FAM219A: variants seen among roughly 807,000 people sequenced by gnomAD.
FAM219A encodes protein FAM219A.
Under a neutral mutation model 23.4 loss-of-function variants are expected in FAM219A, and 7 were observed. The observed-to-expected ratio is 0.30, with a 90% CI of 0.17 to 0.56. The LOEUF is 0.56. Ranked by LOEUF, FAM219A falls within the 20% of genes least tolerant of loss-of-function variation. The pLI, the probability that FAM219A is intolerant of heterozygous loss-of-function variation, is 0.92. For missense variants in FAM219A, 166 were observed against 246.9 expected, an observed-to-expected ratio of 0.67 and a Z score of 2.20; for synonymous variants, 93 against 99.0, an observed-to-expected ratio of 0.94 and a Z score of 0.36.
chr9:34,452,398 G>T (rs1012686664), intron 1 of FAM219A, among the ~76,000 whole-genome samples: 1 of 152,116 alleles, frequency 6.6e-6, no homozygotes, highest in African/African-American at 2.4e-5. Context: ...AGGTGATGAT[G>T]GTCTCTTCCT....
chr9:34,436,647 A>G (rs1822933330), intron 1 of FAM219A, among the ~76,000 whole-genome samples: 2 of 152,232 alleles, frequency 1.3e-5, no homozygotes, highest in African/African-American at 4.8e-5. Context: ...AAATGTACAC[A>G]TTATATTTTG....
At chr9:34,413,477 C>A (rs1821897735) in intron 1 of FAM219A, among the ~76,000 whole-genome samples, 2 of 152,130 alleles carry the variant, frequency 1.3e-5, no homozygotes, top group African/African-American at 2.4e-5. Context: ...ACATGATAAT[C>A]CAGGGCAGAG....
chr9:34,406,901 C>T (rs1821657210), intron 1 of FAM219A, among the ~76,000 whole-genome samples: 1 of 148,882 alleles, frequency 6.7e-6, no homozygotes, highest in African/African-American at 2.5e-5. Context: ...CTCCCGGTTT[C>T]AAGCAATTCT....
intron 1 of FAM219A, among the ~76,000 whole-genome samples, chr9:34,418,598 C>G (rs998563902): frequency 6.6e-6 from 1 of 152,184 alleles, no homozygotes; most frequent in African/African-American, 2.4e-5. Context: ...GATGCTCCTG[C>G]CTTACATTTG....
chr9:34,434,442 T>A (rs915976767), intron 1 of FAM219A, among the ~76,000 whole-genome samples: 1 of 152,186 alleles, frequency 6.6e-6, no homozygotes, highest in African/African-American at 2.4e-5. Flanking sequence ...TAATCTCTGA[T>A]AATCCATCTA....
At chr9:34,430,292 G>A (rs1822641956) in intron 1 of FAM219A, among the ~76,000 whole-genome samples, 1 of 152,138 alleles carries the variant, frequency 6.6e-6, no homozygotes, top group South Asian at 2.1e-4. Context: ...ACTCTGGGAG[G>A]CTGAGTTGGG....
intron 1 of FAM219A, among the ~76,000 whole-genome samples, chr9:34,419,906 T>C (rs1048776189): frequency 6.6e-6 from 1 of 152,098 alleles, no homozygotes; most frequent in Non-Finnish European, 1.5e-5. Context: ...TAGCTTTTCC[T>C]CTCTGTGGCA....
At chr9:34,445,278 A>G (rs1823327922) in intron 1 of FAM219A, among the ~76,000 whole-genome samples, 1 of 152,222 alleles carries the variant, frequency 6.6e-6, no homozygotes, top group African/African-American at 2.4e-5. Context: ...CTAGAGGTAG[A>G]AGCTATCTTG....
intron 4 of FAM219A, 52 bp from the exon 5 acceptor site, chr9:34,401,772 ACT>A (rs1380192724): frequency 1.3e-6 from 2 of 1,573,554 alleles, no homozygotes; most frequent in South Asian, 1.2e-5. Context: ...TACATAGAAA[ACT>A]CTCTGCAATC....
At chr9:34,401,251 G>T in intron 5 of FAM219A, 129 bp from the exon 6 acceptor site, 1 of 1,189,688 alleles carries the variant, frequency 8.4e-7, no homozygotes, top group Middle Eastern at 2.3e-4. Context: ...CCCTGTCCCG[G>T]GTCTGTCTGT....
At chr9:34,433,178 TG>T (rs1175006834) in intron 1 of FAM219A, among the ~76,000 whole-genome samples, 24 of 152,358 alleles carry the variant, frequency 1.6e-4, no homozygotes, top group African/African-American at 5.8e-4. Context: ...ATACTTATTT[TG>T]GGAGGTTATA....
At chr9:34,402,247 C>T (rs1225426506) in intron 4 of FAM219A, 140 bp downstream of exon 4, 1 of 1,611,302 alleles carries the variant, frequency 6.2e-7, no homozygotes, top group Non-Finnish European at 8.5e-7. Context: ...AATTCCCATC[C>T]CTGGAGAATT....
At chr9:34,450,300 C>T (rs1242339824) in intron 1 of FAM219A, among the ~76,000 whole-genome samples, 5 of 137,146 alleles carry the variant, frequency 3.6e-5, no homozygotes, top group Admixed American at 3.0e-4. Flanking sequence ...GTGACAGAGA[C>T]CCTGTCTCAA....
intron 2 of FAM219A, among the ~76,000 whole-genome samples, chr9:34,405,548 A>T (rs995090071): frequency 6.6e-6 from 1 of 152,194 alleles, no homozygotes; most frequent in Non-Finnish European, 1.5e-5. Context: ...GCTTCCTCTC[A>T]GCCTGATCCA....
intron 1 of FAM219A, among the ~76,000 whole-genome samples, chr9:34,420,836 C>T (rs537632110): frequency 4.0e-5 from 6 of 151,894 alleles, no homozygotes; most frequent in South Asian, 2.1e-4. Flanking sequence ...AAAACTTAGC[C>T]GGGTGTGGTA....
chr9:34,410,290 G>C (rs1821776583), intron 1 of FAM219A, among the ~76,000 whole-genome samples: 1 of 152,184 alleles, frequency 6.6e-6, no homozygotes, highest in Non-Finnish European at 1.5e-5. Context: ...GGGTAGTGCA[G>C]TCAATACAAT....
At chr9:34,428,611 T>C (rs1052867386) in intron 1 of FAM219A, among the ~76,000 whole-genome samples, 1 of 152,226 alleles carries the variant, frequency 6.6e-6, no homozygotes, top group South Asian at 2.1e-4. Flanking sequence ...TTAGTAAGGT[T>C]TGTGGACACA....
In FAM219A at chr9:34,458,346, C is replaced by T; in HGVS notation, c.-83G>A. ...GCGCGGGGCGGCGGCCCCAGGAGCC[C>T]GGCGGGTGGTGCAGACTAGGCCTCC... On this transcript the variant is annotated 5_prime_UTR_variant, in exon 1 of 6. Transcript: ENST00000651358. This position sits in a 1 kb window ranked among gnomAD's most constrained non-coding sequence, Gnocchi z 6.6. 1 of 1,081,052 alleles carries T rather than the reference C, an allele frequency of 9.3e-7. No homozygotes were observed. The highest frequency in any genetic ancestry group is 4.4e-5 in the South Asian group (1 of 22,824). The allele number at this position is 1,081,052 out of a possible 1,614,324, so 67.0% of individuals were successfully genotyped here.
chr9:34,398,359 C>A lies in FAM219A; in HGVS notation c.*2605G>T. 1 of 1,550,616 alleles carries A rather than the reference C, an allele frequency of 6.4e-7. No homozygotes were observed. Among genetic ancestry groups the A allele is most frequent in the Non-Finnish European group, 8.7e-7 (1 of 1,146,900 alleles). ...GAGAAACCTGGCTGGGTGGCAGCCA[C>A]AGCTGAGAGAGGAGGGAGTGTTAAG... On this transcript the variant is annotated 3_prime_UTR_variant, in exon 6 of 6. Coordinates refer to ENST00000651358, the MANE Select transcript of FAM219A (RefSeq NM_001184940.2).
Sources: allele counts gnomAD v4.1 joint callset (sites outside exome capture counted in the v4.1 genomes callset), GRCh38; gene constraint gnomAD v4.1.1; non-coding constraint Gnocchi (gnomAD v3.1); transcripts MANE v1.5; gene names NCBI Gene and HGNC (gene_info 2026-07-23, HGNC 2026-07-21).